SND1: variants seen among roughly 807,000 people sequenced by gnomAD.
The protein encoded by SND1 is staphylococcal nuclease domain-containing protein 1.
A neutral mutation model predicts 121.7 loss-of-function variants in SND1; 38 were observed. The observed-to-expected ratio is 0.31, with a 90% CI of 0.24 to 0.41. The LOEUF is 0.41. Among genes scored for constraint, SND1 ranks in the 10% least tolerant of loss-of-function variants. The pLI, the probability that SND1 is intolerant of heterozygous loss-of-function variation, is 1.00. For missense variants in SND1, 868 were observed against 1,184.6 expected, an observed-to-expected ratio of 0.73 and a Z score of 3.92; for synonymous variants, 401 against 447.4, an observed-to-expected ratio of 0.90 and a Z score of 1.31.
At chr7:127,990,865 A>G in intron 15 of SND1, 82 bp from the exon 16 acceptor site, 2 of 835,760 alleles carry the variant, frequency 2.4e-6, no homozygotes, top group Non-Finnish European at 3.9e-6. Context: ...GCTTCACTGG[A>G]GGTGTCAGGG....
intron 16 of SND1, among the ~76,000 whole-genome samples, chr7:128,036,191 T>C (rs1234323047): frequency 8.0e-6 from 1 of 125,574 alleles, no homozygotes; most frequent in African/African-American, 3.6e-5. Flanking sequence ...CTTTCCAAGG[T>C]AATGAACACA....
chr7:127,707,994 C>G (rs1005472826), intron 9 of SND1, among the ~76,000 whole-genome samples: 5 of 152,038 alleles, frequency 3.3e-5, no homozygotes, highest in Non-Finnish European at 7.4e-5. Flanking sequence ...GCTGGGTCGA[C>G]TTAAGATATT....
In SND1 at chr7:128,085,814, A is replaced by G. The variant is rs1462771510; in HGVS notation, c.2304+34A>G. The G allele has an allele frequency of 4.5e-6, 7 of 1,558,874 alleles. No homozygotes were observed. The highest frequency in any genetic ancestry group is 6.2e-6 in the Non-Finnish European group (7 of 1,129,854). On this transcript the variant is annotated intron_variant, in intron 20 of 23. Transcript: ENST00000354725. This position sits in a 1 kb window ranked among gnomAD's most constrained non-coding sequence, Gnocchi z 4.4. ...TGGGGACCAGAGTGTTGGAGGGGCT[A>G]TCAAACACAGCAGCCCCCGAGTCAA...
intron 10 of SND1, among the ~76,000 whole-genome samples, chr7:127,789,000 G>A (rs1485134042): frequency 6.6e-6 from 1 of 152,180 alleles, no homozygotes; most frequent in Non-Finnish European, 1.5e-5. Context: ...ATGTTAAGCT[G>A]TGCCTTCTAA....
intron 12 of SND1, among the ~76,000 whole-genome samples, chr7:127,880,684 T>TA (rs1799773840): frequency 6.6e-6 from 1 of 151,934 alleles, no homozygotes; most frequent in Admixed American, 6.6e-5. Context: ...GCCACTGAGT[T>TA]ATCTGCATCC....
At chr7:128,081,644 CCT>C in intron 18 of SND1, 143 bp downstream of exon 18, 4 of 871,136 alleles carry the variant, frequency 4.6e-6, no homozygotes, top group South Asian at 3.2e-5. Context: ...CGTTGCCGCC[CCT>C]GTCTCCCTGC....
intron 12 of SND1, among the ~76,000 whole-genome samples, chr7:127,869,080 G>A (rs1380658323): frequency 6.6e-6 from 1 of 152,166 alleles, no homozygotes; most frequent in Admixed American, 6.5e-5. Context: ...AAAGAGTTGA[G>A]GGAGGTATTC....
intron 16 of SND1, among the ~76,000 whole-genome samples, chr7:128,033,380 C>T (rs1156861080): frequency 6.6e-6 from 1 of 152,164 alleles, no homozygotes; most frequent in African/African-American, 2.4e-5. Flanking sequence ...ATATCCCTTC[C>T]CTTCAAGAGC....
chr7:128,054,791 G>A (rs1793108134), intron 16 of SND1, among the ~76,000 whole-genome samples: 1 of 152,142 alleles, frequency 6.6e-6, no homozygotes, highest in African/African-American at 2.4e-5. Context: ...CTATGCCCAT[G>A]AATACTTAAT....
At position 127,889,214 on chromosome 7, in the gene SND1, G is replaced by A. The variant is rs1799964922; in HGVS notation, c.1454+1202G>A. The stretch of plus-strand genomic sequence containing the variant: ...GCTCATTAATGGTCATTTAAAATAC[G>A]TAGTTCGTGATTGGTGTTTTCTCAT... On this transcript the variant is annotated intron_variant, in intron 13 of 23. Coordinates refer to ENST00000354725, the MANE Select transcript of SND1 (RefSeq NM_014390.4). 1.3e-5 allele frequency among the ~76,000 whole-genome samples: 2 copies of A among 151,946 alleles called. 1 individual carries two copies.
intron 10 of SND1, among the ~76,000 whole-genome samples, chr7:127,773,665 G>A (rs954245123): frequency 2.0e-5 from 3 of 152,102 alleles, no homozygotes; most frequent in Non-Finnish European, 4.4e-5. Flanking sequence ...TGTTAACTGA[G>A]CCCTCTTTTT....
chr7:127,710,677 C>A (rs1796282511), intron 9 of SND1, among the ~76,000 whole-genome samples: 1 of 152,174 alleles, frequency 6.6e-6, no homozygotes, highest in South Asian at 2.1e-4. Flanking sequence ...TTCCTTGAGG[C>A]AGTCACTTTC....
chr7:127,792,063 C>A (rs1331837652), intron 10 of SND1, among the ~76,000 whole-genome samples: 1 of 152,156 alleles, frequency 6.6e-6, no homozygotes. Flanking sequence ...ATTTTTATAT[C>A]TTGCACATTC....
At chr7:128,012,133 G>C (rs73721275) in intron 16 of SND1, among the ~76,000 whole-genome samples, 2,106 of 152,240 alleles carry the variant, frequency 0.014, 60 homozygotes, top group African/African-American at 0.048. Context: ...GATGTGTTTT[G>C]TCTTTGGACT....
intron 12 of SND1, among the ~76,000 whole-genome samples, chr7:127,868,994 A>G (rs1243667725): frequency 1.3e-5 from 2 of 152,146 alleles, no homozygotes; most frequent in African/African-American, 4.8e-5. Flanking sequence ...CTTTCGTTCC[A>G]ATGGGGGCAA....
At chr7:127,777,797 C>G (rs887557832) in intron 10 of SND1, among the ~76,000 whole-genome samples, 1 of 152,050 alleles carries the variant, frequency 6.6e-6, no homozygotes, top group Non-Finnish European at 1.5e-5. Context: ...TTGCCTTAGC[C>G]TCTTGAATAG....
At chr7:127,841,176 C>A (rs1330627163) in intron 11 of SND1, among the ~76,000 whole-genome samples, 1 of 152,180 alleles carries the variant, frequency 6.6e-6, no homozygotes, top group Non-Finnish European at 1.5e-5. Context: ...TAATGTTCCT[C>A]TGTGCTAAAC....
chr7:127,726,966 T>G (rs1796592440), intron 10 of SND1, among the ~76,000 whole-genome samples: 1 of 152,142 alleles, frequency 6.6e-6, no homozygotes, highest in Non-Finnish European at 1.5e-5. Context: ...CACTTAGTAT[T>G]TTGGGAAGGA....
intron 10 of SND1, among the ~76,000 whole-genome samples, chr7:127,807,132 G>A (rs557224133): frequency 2.6e-5 from 4 of 152,248 alleles, no homozygotes; most frequent in African/African-American, 9.6e-5. Context: ...TTGAGTAATA[G>A]AATTGGATTT....
Sources: gnomAD v4.1 joint callset for allele counts (sites outside exome capture counted in the v4.1 genomes callset) on GRCh38, gnomAD v4.1.1 for gene constraint, Gnocchi (gnomAD v3.1) non-coding constraint, MANE v1.5 for transcripts, NCBI Gene and HGNC (gene_info 2026-07-23, HGNC 2026-07-21) for gene names.